Variants in CPQ observed in about 807,000 individuals in gnomAD.
The protein encoded by CPQ is Ser-Met dipeptidase.
CPQ carries 37 observed loss-of-function variants against 45.7 expected under a neutral mutation model. That is an observed-to-expected ratio of 0.81 (90% CI 0.62 to 1.07). The LOEUF (loss-of-function observed/expected upper bound fraction) is 1.07, where lower values mean the gene tolerates loss of function less well. Ranked by LOEUF, CPQ falls within the 50% of genes least tolerant of loss-of-function variation. CPQ has a pLI of 0.00. For synonymous variants in CPQ, 186 were observed against 205.8 expected, an observed-to-expected ratio of 0.90 and a Z score of 0.82; for missense variants, 537 against 572.9, an observed-to-expected ratio of 0.94 and a Z score of 0.64.
intron 7 of CPQ, among the ~76,000 whole-genome samples, chr8:97,120,868 T>A (rs1300034545): frequency 6.6e-6 from 1 of 152,246 alleles, no homozygotes; most frequent in East Asian, 1.9e-4. Flanking sequence ...GGCCTTTTGA[T>A]GATGAGTAAT....
At position 96,684,973 on chromosome 8, in the gene CPQ, G is replaced by A. The variant is rs192813516; in HGVS notation, c.-35+39571G>A. Among the ~76,000 whole-genome samples, 669 of 152,016 alleles carry A rather than the reference G, an allele frequency of 4.4e-3. 7 individuals are homozygous for A. Among genetic ancestry groups the A allele is most frequent in the Admixed American group, 0.021 (318 of 15,272 alleles). On this transcript the variant is annotated intron_variant, in intron 1 of 7. Coordinates refer to ENST00000220763, the MANE Select transcript of CPQ (RefSeq NM_016134.4). ...ACAAAAATTAGCCAGGCATGGTGGC[G>A]CTTGCCTGTAGTCCTAGCTACTTGG...
chr8:96,964,911 C>T (rs1354789419), intron 4 of CPQ, among the ~76,000 whole-genome samples: 1 of 151,970 alleles, frequency 6.6e-6, no homozygotes, highest in Admixed American at 6.5e-5. Context: ...ATTCTATATA[C>T]CCCAGCATCA....
At chr8:97,095,101 T>C (rs185112465) in intron 7 of CPQ, among the ~76,000 whole-genome samples, 4 of 152,332 alleles carry the variant, frequency 2.6e-5, no homozygotes, top group Admixed American at 6.5e-5. Context: ...TGTTAGTATA[T>C]GCTAGGATCT....
chr8:97,066,336 T>A, intron 7 of CPQ, 126 bp downstream of exon 7: 2 of 825,714 alleles, frequency 2.4e-6, no homozygotes, highest in Non-Finnish European at 3.7e-6. Flanking sequence ...AAGCTTTTGT[T>A]CAAGGTATAA....
intron 4 of CPQ, among the ~76,000 whole-genome samples, chr8:96,961,651 C>T (rs1286792914): frequency 2.0e-5 from 3 of 152,220 alleles, no homozygotes; most frequent in Middle Eastern, 3.4e-3. Flanking sequence ...GCACTTAAAA[C>T]TATCATTATA....
intron 5 of CPQ, among the ~76,000 whole-genome samples, chr8:96,988,219 T>C (rs1809025072): frequency 6.6e-6 from 1 of 152,188 alleles, no homozygotes; most frequent in Non-Finnish European, 1.5e-5. Flanking sequence ...GAAGCAGGGT[T>C]ATAGGAGAAA....
At chr8:96,939,975 C>T (rs1215270142) in intron 4 of CPQ, among the ~76,000 whole-genome samples, 2 of 152,094 alleles carry the variant, frequency 1.3e-5, no homozygotes, top group Admixed American at 1.3e-4. Context: ...CTCCTTAGTG[C>T]ATGGTATTTG....
chr8:97,093,601 A>T (rs1400613165), intron 7 of CPQ, among the ~76,000 whole-genome samples: 1 of 152,204 alleles, frequency 6.6e-6, no homozygotes, highest in African/African-American at 2.4e-5. Context: ...CCCCACTGTG[A>T]CACATAAGTG....
chr8:96,851,735 A>G (rs1287995702), intron 3 of CPQ, among the ~76,000 whole-genome samples: 1 of 152,028 alleles, frequency 6.6e-6, no homozygotes, highest in Non-Finnish European at 1.5e-5. Flanking sequence ...AATAAAGAAA[A>G]CGAAAGGGGG....
chr8:96,899,823 A>G (rs1812492501), intron 4 of CPQ, among the ~76,000 whole-genome samples: 1 of 152,198 alleles, frequency 6.6e-6, no homozygotes, highest in African/African-American at 2.4e-5. Context: ...GCAAATTATT[A>G]TTTAATTCAT....
intron 1 of CPQ, among the ~76,000 whole-genome samples, chr8:96,758,327 A>G (rs759613374): frequency 2.0e-5 from 3 of 152,094 alleles, no homozygotes; most frequent in Non-Finnish European, 2.9e-5. Flanking sequence ...CATGGTGTAA[A>G]CTCTATGGGT....
intron 4 of CPQ, among the ~76,000 whole-genome samples, chr8:96,892,112 T>G (rs1245965801): frequency 6.6e-6 from 1 of 152,200 alleles, no homozygotes; most frequent in East Asian, 1.9e-4. Context: ...TCCTGTAAAA[T>G]AACCCAAAGA....
chr8:96,918,941 T>G (rs1363850982), intron 4 of CPQ, among the ~76,000 whole-genome samples: 1 of 152,132 alleles, frequency 6.6e-6, no homozygotes, highest in Non-Finnish European at 1.5e-5. Flanking sequence ...TAGTGGTATG[T>G]GGTACCTCTA....
chr8:96,776,154 A>G (rs75537495), intron 1 of CPQ, among the ~76,000 whole-genome samples: 13,708 of 152,222 alleles, frequency 0.09, 830 homozygotes, highest in African/African-American at 0.17. Flanking sequence ...CCAGTATTAT[A>G]TGAGCTTTGA....
intron 7 of CPQ, among the ~76,000 whole-genome samples, chr8:97,119,502 A>G (rs1207115621): frequency 6.6e-6 from 1 of 151,998 alleles, no homozygotes; most frequent in East Asian, 1.9e-4. Flanking sequence ...CCTCACAGAA[A>G]TGTTGTTAAG....
intron 1 of CPQ, among the ~76,000 whole-genome samples, chr8:96,759,345 A>G (rs565242437): frequency 1.3e-5 from 2 of 152,334 alleles, no homozygotes; most frequent in Non-Finnish European, 2.9e-5. Flanking sequence ...TTCCAAAATC[A>G]GAAATAGACC....
At chr8:97,001,625 G>C (rs550475877) in intron 5 of CPQ, among the ~76,000 whole-genome samples, 13 of 151,546 alleles carry the variant, frequency 8.6e-5, no homozygotes, top group African/African-American at 3.1e-4. Flanking sequence ...ACTTTTTGAC[G>C]TGCTACTGGA....
chr8:96,873,688 G>C (rs1274089984), intron 3 of CPQ, among the ~76,000 whole-genome samples: 1 of 151,626 alleles, frequency 6.6e-6, no homozygotes, highest in Non-Finnish European at 1.5e-5. Flanking sequence ...CCCACTTCCA[G>C]ACCTTTTTTT....
intron 1 of CPQ, among the ~76,000 whole-genome samples, chr8:96,676,441 T>G (rs548063085): frequency 2.4e-4 from 36 of 152,208 alleles, no homozygotes; most frequent in Admixed American, 9.8e-4. Flanking sequence ...TCACTTAACA[T>G]AACGACCTCC....
Sources: gnomAD v4.1 joint callset for allele counts (sites outside exome capture counted in the v4.1 genomes callset) on GRCh38, gnomAD v4.1.1 for gene constraint, MANE v1.5 for transcripts, NCBI Gene and HGNC (gene_info 2026-07-23, HGNC 2026-07-21) for gene names.